Variants in PIK3C2G observed in about 807,000 individuals in gnomAD.
PIK3C2G encodes the protein phosphatidylinositol-4-phosphate 3-kinase catalytic subunit type 2 gamma.
Under a neutral mutation model 181.1 loss-of-function variants are expected in PIK3C2G, and 168 were observed. That is an observed-to-expected ratio of 0.93 (90% CI 0.82 to 1.05). The LOEUF is 1.05. PIK3C2G is among the 50% of genes least tolerant of loss of function. The probability of loss-of-function intolerance (pLI) is 0.00; values close to 1 mark genes in which losing one functional copy is unlikely to be tolerated. For synonymous variants in PIK3C2G, 573 were observed against 592.2 expected (o/e 0.97, Z 0.47); for missense variants, 1,869 against 1,732.8 (o/e 1.08, Z -1.40).
intron 18 of PIK3C2G, among the ~76,000 whole-genome samples, chr12:18,475,687 A>G (rs1938920474): frequency 6.6e-6 from 1 of 152,144 alleles, no homozygotes; most frequent in Non-Finnish European, 1.5e-5. Context: ...AAAATTCTCA[A>G]ATATAAATTA....
intron 18 of PIK3C2G, among the ~76,000 whole-genome samples, chr12:18,467,498 T>TC (rs1475651315): frequency 2.0e-5 from 3 of 150,382 alleles, no homozygotes; most frequent in African/African-American, 7.4e-5. Flanking sequence ...TTTTTTTTTT[T>TC]CAGACACTTT....
At chr12:18,500,905 C>G (rs1011170770) in intron 22 of PIK3C2G, among the ~76,000 whole-genome samples, 2 of 151,698 alleles carry the variant, frequency 1.3e-5, no homozygotes, top group African/African-American at 4.8e-5. Context: ...AGCTTCACTC[C>G]TGAAACCAGC....
intron 1 of PIK3C2G, among the ~76,000 whole-genome samples, chr12:18,262,287 C>A (rs1591768663): frequency 6.6e-6 from 1 of 151,456 alleles, no homozygotes; most frequent in Non-Finnish European, 1.5e-5. Flanking sequence ...TAAGATATAC[C>A]CCATTCTTTC....
chr12:18,404,050 A>G (rs1325930136), intron 16 of PIK3C2G, among the ~76,000 whole-genome samples: 1 of 152,106 alleles, frequency 6.6e-6, no homozygotes, highest in African/African-American at 2.4e-5. Context: ...ATCCCACATG[A>G]TGTAAAATTA....
chr12:18,534,922 G>C (rs1287278405), intron 24 of PIK3C2G, among the ~76,000 whole-genome samples: 1 of 151,582 alleles, frequency 6.6e-6, no homozygotes, highest in Non-Finnish European at 1.5e-5. Flanking sequence ...AAAAAAGTTA[G>C]GATTGTCACA....
At chr12:18,702,108 G>C in the PIK3C2G span, among the ~76,000 whole-genome samples, 1 of 151,916 alleles carries the variant, frequency 6.6e-6, no homozygotes, top group East Asian at 1.9e-4. Context: ...ATATTGCAAT[G>C]AAAATGTTAC....
At position 18,629,121 on chromosome 12, in the gene PIK3C2G, C is replaced by CT. The variant is rs1565578982; in HGVS notation, c.4183-11307dup. Among the ~76,000 whole-genome samples the CT allele has an allele frequency of 3.9e-5, 6 of 152,306 alleles. No individual in the cohort carries two copies. In the South Asian group the frequency reaches 1.2e-3, roughly 32 times the overall value. On this transcript the variant is annotated intron_variant, in intron 31 of 32. Coordinates refer to ENST00000538779, the MANE Select transcript of PIK3C2G (RefSeq NM_001288772.2). ...TTGGTGTTAACATGGATCCAGCCCCCTGGCCTAACCATGGGTCACCATACG... is the reference window on the plus strand; with the variant it reads ...TTGGTGTTAACATGGATCCAGCCCCCTTGGCCTAACCATGGGTCACCATACG...
At chr12:18,713,067 C>G in the PIK3C2G span, 2 of 1,547,308 alleles carry the variant, frequency 1.3e-6, no homozygotes, top group South Asian at 2.3e-5. Flanking sequence ...TTCCAAAGAC[C>G]ATTTGATTTT....
At chr12:18,667,847 T>C in the PIK3C2G span, among the ~76,000 whole-genome samples, 1 of 152,174 alleles carries the variant, frequency 6.6e-6, no homozygotes, top group Non-Finnish European at 1.5e-5. Flanking sequence ...ACCACATTGC[T>C]CTGCCTTCTT....
chr12:18,680,956 T>C, the PIK3C2G span, among the ~76,000 whole-genome samples: 2 of 152,062 alleles, frequency 1.3e-5, no homozygotes, highest in African/African-American at 2.4e-5. Flanking sequence ...AATAAATTAA[T>C]AGTCATTTAT....
At chr12:18,702,843 C>T in the PIK3C2G span, among the ~76,000 whole-genome samples, 2,060 of 94,820 alleles carry the variant, frequency 0.022, 51 homozygotes, top group African/African-American at 0.085. Flanking sequence ...TTTTTTGAGA[C>T]GGAGTCTCAC....
At chr12:18,390,080 C>T (rs75333226) in intron 14 of PIK3C2G, among the ~76,000 whole-genome samples, 203 of 152,192 alleles carry the variant, frequency 1.3e-3, no homozygotes, top group African/African-American at 4.7e-3. Context: ...AAGCTGATCT[C>T]GTACTTGTTT....
chr12:18,338,653 TTGTGTGTATCTGTGTGTGTGTGTGTG>T, intron 9 of PIK3C2G, 105 bp downstream of exon 9: 1 of 716,532 alleles, frequency 1.4e-6, no homozygotes, highest in South Asian at 1.7e-5. Context: ...GTGTGTATGT[TTGTGTGTATCTGTGTGTGTGTGTGTG>T]TGTGTGTGTG....
At chr12:18,329,147 A>C (rs768402728) in intron 8 of PIK3C2G, among the ~76,000 whole-genome samples, 3 of 151,980 alleles carry the variant, frequency 2.0e-5, no homozygotes, top group Non-Finnish European at 4.4e-5. Flanking sequence ...AAAGTAGATT[A>C]TCAAAATAGA....
intron 24 of PIK3C2G, among the ~76,000 whole-genome samples, chr12:18,534,486 C>T (rs574438139): frequency 1.3e-5 from 2 of 151,978 alleles, no homozygotes; most frequent in Admixed American, 6.6e-5. Context: ...ATGACAGAAT[C>T]GTTACAAATA....
chr12:18,537,512 G>T (rs1156826125), intron 24 of PIK3C2G, among the ~76,000 whole-genome samples: 1 of 151,972 alleles, frequency 6.6e-6, no homozygotes, highest in East Asian at 1.9e-4. Context: ...CTTCTCTCTG[G>T]TCTTTTGTTT....
At chr12:18,322,371 G>A (rs1401304956) in intron 7 of PIK3C2G, among the ~76,000 whole-genome samples, 3 of 142,990 alleles carry the variant, frequency 2.1e-5, no homozygotes, top group Admixed American at 7.2e-5. Context: ...AACAGAGTGA[G>A]ACCTCATCTC....
chr12:18,345,344 T>A (rs565725081), intron 10 of PIK3C2G, among the ~76,000 whole-genome samples: 77 of 152,322 alleles, frequency 5.1e-4, no homozygotes, highest in Middle Eastern at 6.8e-3. Context: ...GGTTTTCTTT[T>A]TCCTCTGCTT....
At chr12:18,324,879 C>T (rs567892023) in intron 7 of PIK3C2G, among the ~76,000 whole-genome samples, 156 bp from the exon 8 acceptor site, 1 of 152,292 alleles carries the variant, frequency 6.6e-6, no homozygotes, top group Non-Finnish European at 1.5e-5. Context: ...AGGCACCCTT[C>T]TGAGATGTTT....
Sources: gnomAD v4.1 joint callset for allele counts (sites outside exome capture counted in the v4.1 genomes callset) on GRCh38, gnomAD v4.1.1 for gene constraint, MANE v1.5 for transcripts, NCBI Gene and HGNC (gene_info 2026-07-23, HGNC 2026-07-21) for gene names.